DPYSL4: variants seen among roughly 807,000 people sequenced by gnomAD.
DPYSL4 encodes dihydropyrimidinase-related protein 4.
In DPYSL4, 43 loss-of-function variants were observed where a neutral mutation model predicts 63.4. That is an observed-to-expected ratio of 0.68 (90% CI 0.53 to 0.88). The LOEUF is 0.88. Among genes scored for constraint, DPYSL4 ranks in the 40% least tolerant of loss-of-function variants. The pLI is 0.00. For synonymous variants in DPYSL4, 353 were observed against 331.7 expected (o/e 1.06, Z -0.70); for missense variants, 733 against 819.5 (o/e 0.89, Z 1.29).
In DPYSL4 at chr10:132,203,756, C is replaced by A; in HGVS notation, c.1462-6C>A. ...TGCCCTGTCTCTGCCCCCACCCCCC[C>A]GGCAGCTGGCGGAGATCCACGGTGT... is the stretch of plus-strand genomic sequence containing the variant. On this transcript the variant is annotated splice_region_variant and splice_polypyrimidine_tract_variant and intron_variant, in intron 12 of 13. Coordinates refer to ENST00000338492, the MANE Select transcript of DPYSL4 (RefSeq NM_006426.3). The A allele has an allele frequency of 1.9e-6, 3 of 1,596,486 alleles. No individual in the cohort carries two copies. Among genetic ancestry groups the A allele is most frequent in the Non-Finnish European group, 1.7e-6 (2 of 1,168,238 alleles).
Position 132,204,969 on chromosome 10 carries a change from C to A in DPYSL4, c.*39C>A, listed in dbSNP as rs745908634. The A allele has an allele frequency of 2.6e-6, 4 of 1,545,378 alleles. No homozygotes were observed. The Admixed American group carries it at 6.0e-5, about 23-fold the overall frequency. On this transcript the variant is annotated 3_prime_UTR_variant, in exon 14 of 14. Coordinates refer to ENST00000338492, the MANE Select transcript of DPYSL4 (RefSeq NM_006426.3). ...GCCCTGTGAGCCGTGCTGGCCCCACCCGAGGCCGCGGGGGCCCCAGGGCAC... is the reference window on the plus strand; with the variant it reads ...GCCCTGTGAGCCGTGCTGGCCCCACACGAGGCCGCGGGGGCCCCAGGGCAC...
intron 7 of DPYSL4, 136 bp from the exon 8 acceptor site, chr10:132,198,715 C>A: frequency 7.3e-7 from 1 of 1,367,658 alleles, no homozygotes. Context: ...AGGCACTGAG[C>A]CCGAGGCTGG....
Position 132,187,091 on chromosome 10 carries a change from C to T in DPYSL4, c.28C>T (p.Pro10Ser), listed in dbSNP as rs1378811850. 6 of 1,501,962 alleles carry T rather than the reference C, an allele frequency of 4.0e-6. No individual in the cohort carries two copies. The highest frequency in any genetic ancestry group is 1.5e-5 in the African/African-American group (1 of 68,568). The allele number at this position is 1,501,962 out of a possible 1,614,324, so 93.0% of individuals were successfully genotyped here. A position where few individuals can be genotyped will look rare whatever the true frequency, so the allele number is the denominator to read the frequency against. The change falls in exon 1 of 14, where the codon CCC (proline) becomes TCC (serine). Residue 10 changes from proline to serine, a missense_variant. Coordinates refer to ENST00000338492, the MANE Select transcript of DPYSL4 (RefSeq NM_006426.3). MSFQGKKSI[P>S]RITSDRLLIR... ...GTCCTTCCAGGGCAAGAAAAGCATCCCCCGGATCACGGTGAGCCCGGTCCC... is the reference window on the plus strand; with the variant it reads ...GTCCTTCCAGGGCAAGAAAAGCATCTCCCGGATCACGGTGAGCCCGGTCCC...
chr10:132,200,068 GC>G (rs1387494432), intron 8 of DPYSL4, among the ~76,000 whole-genome samples: 137 of 152,308 alleles, frequency 9.0e-4, no homozygotes, highest in Non-Finnish European at 1.1e-3. Context: ...GCACGCCCTG[GC>G]CCCGCTGGAG....
intron 2 of DPYSL4, among the ~76,000 whole-genome samples, chr10:132,191,203 T>A (rs79631893): frequency 2.8e-5 from 2 of 72,638 alleles, no homozygotes; most frequent in African/African-American, 5.0e-5. Flanking sequence ...TTCCCAGCTC[T>A]TGTGTACACA....
chr10:132,197,195 T>A lies in DPYSL4; in HGVS notation c.621+94T>A, dbSNP rs142662235. 4.8e-4 allele frequency: 539 copies of A among 1,112,002 alleles called. 10 individuals carry two copies. The East Asian group carries it at 0.014, about 28-fold the overall frequency. The allele number at this position is 1,112,002 out of a possible 1,614,324, so 68.9% of individuals were successfully genotyped here. On this transcript the variant is annotated intron_variant, in intron 6 of 13. Transcript: ENST00000338492. ...TGGGGCAGGGGTCTGAGGGTGACTT[T>A]CATGATACGCAGACATCAGCACAGA... is the stretch of plus-strand genomic sequence containing the variant.
chr10:132,187,411 C>A (rs2061816741), intron 1 of DPYSL4, among the ~76,000 whole-genome samples: 1 of 150,876 alleles, frequency 6.6e-6, no homozygotes, highest in Admixed American at 6.6e-5. Flanking sequence ...CTTCCGGGAG[C>A]CTCGGCTGCG....
Position 132,200,338 on chromosome 10 carries a change from A to C in DPYSL4, c.812-18A>C. On this transcript the variant is annotated intron_variant, in intron 8 of 13. Coordinates refer to ENST00000338492, the MANE Select transcript of DPYSL4 (RefSeq NM_006426.3). The stretch of plus-strand genomic sequence containing the variant: ...GCAGGTGGTCGGTGGGGCACCTCTC[A>C]TGGGCCTCGTGCTGCAGGGGTGGTC... 6.2e-7 allele frequency: 1 copy of C among 1,612,436 alleles called. No homozygotes were observed. Among genetic ancestry groups the C allele is most frequent in the Non-Finnish European group, 8.5e-7 (1 of 1,179,604 alleles).
At chr10:132,200,031 C>G (rs937252958) in intron 8 of DPYSL4, among the ~76,000 whole-genome samples, 4 of 152,302 alleles carry the variant, frequency 2.6e-5, no homozygotes, top group Admixed American at 2.6e-4. Context: ...AGCCGCCATG[C>G]AGTTCACTGT....
chr10:132,196,962 C>T (rs1222234143), intron 5 of DPYSL4, 40 bp downstream of exon 5: 4 of 1,613,278 alleles, frequency 2.5e-6, no homozygotes, highest in Admixed American at 1.7e-5. Context: ...CAGGTATATC[C>T]CAGGCCGCTG....
chr10:132,187,286 C>G (rs1189195401), intron 1 of DPYSL4, among the ~76,000 whole-genome samples, 184 bp downstream of exon 1: 2 of 151,598 alleles, frequency 1.3e-5, no homozygotes, highest in African/African-American at 2.4e-5. Context: ...AGAGTCCCCG[C>G]TAGCGCCGCG....
At chr10:132,202,364 G>C (rs915460589) in intron 11 of DPYSL4, among the ~76,000 whole-genome samples, 1 of 152,242 alleles carries the variant, frequency 6.6e-6, no homozygotes, top group East Asian at 1.9e-4. Flanking sequence ...GAGCGGTGCC[G>C]TGTGCACCTG....
In DPYSL4 at chr10:132,203,782, G is replaced by T. The variant is rs952719052; in HGVS notation, c.1482G>T (p.Val494=). ...GGCAGCTGGCGGAGATCCACGGTGTGCCCCGTGGACTGTATGACGGGCCCG... is the reference window on the plus strand; with the variant it reads ...GGCAGCTGGCGGAGATCCACGGTGTTCCCCGTGGACTGTATGACGGGCCCG... ...ARNRLAEIHG[V]PRGLYDGPVH... The change falls in exon 13 of 14, where the codon GTG becomes GTT. Residue 494 remains valine, a synonymous_variant. Coordinates refer to ENST00000338492, the MANE Select transcript of DPYSL4 (RefSeq NM_006426.3). The T allele has an allele frequency of 6.2e-7, 1 of 1,609,506 alleles. No individual in the cohort carries two copies. Among genetic ancestry groups the T allele is most frequent in the Non-Finnish European group, 8.5e-7 (1 of 1,177,586 alleles).
Position 132,187,008 on chromosome 10 carries a change from C to CCCCGGGGGGG in DPYSL4, c.-56_-55insCCCGGGGGGG. On this transcript the variant is annotated 5_prime_UTR_variant, in exon 1 of 14. Transcript: ENST00000338492. Reference sequence around the variant, plus strand: ...CGGCTCACGCGTCCCCCCGCCCGCCCGCCCGCCCGCCCGCCCCCGCTTGTG... The same window carrying CCCCGGGGGGG: ...CGGCTCACGCGTCCCCCCGCCCGCCCCCCGGGGGGGGCCCGCCCGCCCGCCCCCGCTTGTG... 7.5e-6 allele frequency: 1 copy of CCCCGGGGGGG among 133,028 alleles called. No homozygotes were observed. Among genetic ancestry groups the CCCCGGGGGGG allele is most frequent in the Non-Finnish European group, 1.3e-5 (1 of 78,700 alleles). 8.2% of individuals were successfully genotyped at this position (133,028 alleles called of 1,614,324 possible).
At position 132,198,801 on chromosome 10, in the gene DPYSL4, TG is replaced by T. The variant is rs1370993543; in HGVS notation, c.691-48del. ...GGCATCCCCATTGCCCACACTGGTCTGGAGCCCCAGGGCCCTCGTGTGGCCT... is the reference window on the plus strand; with the variant it reads ...GGCATCCCCATTGCCCACACTGGTCTGAGCCCCAGGGCCCTCGTGTGGCCT... On this transcript the variant is annotated intron_variant, in intron 7 of 13. Coordinates refer to ENST00000338492, the MANE Select transcript of DPYSL4 (RefSeq NM_006426.3). 3 of 1,605,206 alleles carry T rather than the reference TG, an allele frequency of 1.9e-6. No homozygotes were observed. The Admixed American group carries it at 5.0e-5, about 27-fold the overall frequency.
At chr10:132,189,927 T>C (rs934369625) in intron 1 of DPYSL4, among the ~76,000 whole-genome samples, 4 of 152,216 alleles carry the variant, frequency 2.6e-5, no homozygotes, top group African/African-American at 9.6e-5. Context: ...GACTTGCCTC[T>C]GGCACCACCA....
chr10:132,187,720 C>A (rs1565035481), intron 1 of DPYSL4, among the ~76,000 whole-genome samples: 1 of 152,244 alleles, frequency 6.6e-6, no homozygotes, highest in African/African-American at 2.4e-5. Flanking sequence ...CCAAGGAAAG[C>A]GAGCGGTCAA....
chr10:132,198,775 G>C (rs2061976013), intron 7 of DPYSL4, 76 bp from the exon 8 acceptor site: 22 of 1,574,964 alleles, frequency 1.4e-5, no homozygotes, highest in Non-Finnish European at 1.8e-5. Flanking sequence ...GGTGACACCT[G>C]GGCATCCCCA....
Position 132,196,922 on chromosome 10 carries a change from G to C in DPYSL4, c.540G>C (p.Gln180His), listed in dbSNP as rs200351887. 4 of 1,606,044 alleles carry C rather than the reference G, an allele frequency of 2.5e-6. No individual in the cohort carries two copies. The African/African-American group carries it at 5.4e-5, about 22-fold the overall frequency. ...YKDRCQCSDS[Q>H]MYEIFSIIRD... is the part of the protein sequence containing the mutation. ...ACCGGTGCCAGTGCAGCGACAGCCAGGTAAGGGCAGGCGTGGGGAACGGAG... is the reference window on the plus strand; with the variant it reads ...ACCGGTGCCAGTGCAGCGACAGCCACGTAAGGGCAGGCGTGGGGAACGGAG... The change falls in exon 5 of 14, where the codon CAG (glutamine) becomes CAC (histidine). Residue 180 changes from glutamine (Q) to histidine (H), a missense_variant and splice_region_variant. By Grantham distance (24) the Gln-to-His change is conservative. Transcript: ENST00000338492.
Sources: allele counts gnomAD v4.1 joint callset (sites outside exome capture counted in the v4.1 genomes callset), GRCh38; gene constraint gnomAD v4.1.1; transcripts MANE v1.5; gene names NCBI Gene and HGNC (gene_info 2026-07-23, HGNC 2026-07-21).